AZIN2: variants seen among roughly 807,000 people sequenced by gnomAD.
AZIN2 encodes the protein ODC antizyme inhibitor-2.
In AZIN2, 28 loss-of-function variants were observed where a neutral mutation model predicts 47.8. The observed-to-expected ratio is 0.59, with a 90% confidence interval of 0.43 to 0.80. The LOEUF (loss-of-function observed/expected upper bound fraction) is 0.80, where lower values mean the gene tolerates loss of function less well. AZIN2 is among the 30% of genes least tolerant of loss of function. AZIN2 has a pLI of 0.00. For synonymous variants in AZIN2, 221 were observed against 239.4 expected, an observed-to-expected ratio of 0.92 and a Z score of 0.71; for missense variants, 535 against 582.5, an observed-to-expected ratio of 0.92 and a Z score of 0.84.
chr1:33,099,600 G>GA (rs2124569514), intron 10 of AZIN2, among the ~76,000 whole-genome samples: 1 of 152,312 alleles, frequency 6.6e-6, no homozygotes, highest in East Asian at 1.9e-4. Flanking sequence ...CCTCAGAAGA[G>GA]GAGATGATGG....
chr1:33,082,878 C>T (rs1641446563), intron 4 of AZIN2: 1 of 154,246 alleles, frequency 6.5e-6, no homozygotes, highest in South Asian at 2.0e-4. Context: ...ATATTATGCT[C>T]CTTCGGAGCT....
the AZIN2 span, among the ~76,000 whole-genome samples, chr1:33,144,244 T>C: frequency 6.6e-6 from 1 of 151,816 alleles, no homozygotes; most frequent in Non-Finnish European, 1.5e-5. Context: ...TTCAAGAGAT[T>C]CTCCTGCCTC....
chr1:33,108,396 G>A (rs1644124905), intron 10 of AZIN2, among the ~76,000 whole-genome samples: 1 of 148,742 alleles, frequency 6.7e-6, no homozygotes, highest in Non-Finnish European at 1.5e-5. Context: ...AGGCTGGAGT[G>A]CAGTGGTGTG....
At chr1:33,160,481 T>G in the AZIN2 span, among the ~76,000 whole-genome samples, 1 of 152,152 alleles carries the variant, frequency 6.6e-6, no homozygotes, top group South Asian at 2.1e-4. Context: ...CTCGGATCAT[T>G]GCAACCTCCA....
rs115859460 is a variant in AZIN2, at chr1:33,102,433, T to C, written c.1029+4254T>C. On this transcript the variant is annotated intron_variant, in intron 10 of 11. Transcript: ENST00000294517. ...TCCAACCTCTCCAGTCAGGTACCTG[T>C]TCCATGATGCCATGGAAGATGCTCT... Among the ~76,000 whole-genome samples the C allele has an allele frequency of 9.0e-3, 1,373 of 152,106 alleles. 22 individuals carry two copies. The highest frequency in any genetic ancestry group is 0.031 in the African/African-American group (1,295 of 41,520).
chr1:33,084,479 A>C (rs1043152585), intron 5 of AZIN2, among the ~76,000 whole-genome samples: 1 of 138,952 alleles, frequency 7.2e-6, no homozygotes, highest in Non-Finnish European at 1.5e-5. Flanking sequence ...TTATAATCAT[A>C]ATAATGTGTG....
At chr1:33,147,437 C>T in the AZIN2 span, 11 of 1,614,064 alleles carry the variant, frequency 6.8e-6, no homozygotes, top group Non-Finnish European at 9.3e-6. The surrounding 1 kb of genome is among the most constrained non-coding windows in gnomAD (Gnocchi z 8.1). Flanking sequence ...TCGTGCATCA[C>T]GATGCAGTAG....
At chr1:33,093,509 T>C in intron 7 of AZIN2, 93 bp downstream of exon 7, 1 of 1,469,134 alleles carries the variant, frequency 6.8e-7, no homozygotes, top group South Asian at 1.3e-5. Flanking sequence ...CCCCAGGGCC[T>C]CTGAGTAGGG....
chr1:33,098,209 A>T (rs1251952606), intron 10 of AZIN2, 30 bp downstream of exon 10: 2 of 1,474,516 alleles, frequency 1.4e-6, no homozygotes, highest in African/African-American at 2.8e-5. Context: ...GCCTGTTTTC[A>T]GTTGTGTGTG....
At chr1:33,083,535 C>G (rs1339354783) in intron 4 of AZIN2, 2 of 304,454 alleles carry the variant, frequency 6.6e-6, no homozygotes, top group African/African-American at 4.3e-5. Context: ...ATATGCAGTT[C>G]TGATACCTTG....
At chr1:33,103,917 C>CCA (rs1418842808) in intron 10 of AZIN2, among the ~76,000 whole-genome samples, 1 of 150,118 alleles carries the variant, frequency 6.7e-6, no homozygotes. Context: ...GAGTCTCACT[C>CCA]TGTCACCCAG....
the AZIN2 span, among the ~76,000 whole-genome samples, chr1:33,129,718 A>G: frequency 6.6e-6 from 1 of 152,174 alleles, no homozygotes; most frequent in South Asian, 2.1e-4. This position sits in a 1 kb window ranked among gnomAD's most constrained non-coding sequence, Gnocchi z 4.1. Context: ...TGGTTTGCAA[A>G]CTAATATCAC....
Position 33,082,128 on chromosome 1 carries a change from C to T in AZIN2, c.-72-50C>T, listed in dbSNP as rs1641330915. On this transcript the variant is annotated intron_variant, in intron 3 of 11. Coordinates refer to ENST00000294517, the MANE Select transcript of AZIN2 (RefSeq NM_052998.4). ...CCCTGGCCTCGGGAGGCGAGTGGGG[C>T]AGCAGAGCCGGCCCCCCAGCGGTTC... The T allele has an allele frequency of 3.7e-6, 3 of 803,126 alleles. No individual in the cohort carries two copies. The South Asian group carries it at 4.5e-5, about 12-fold the overall frequency. The allele number at this position is 803,126 out of a possible 1,614,324, so 49.7% of individuals were successfully genotyped here. A position where few individuals can be genotyped will look rare whatever the true frequency, so the allele number is the denominator to read the frequency against.
chr1:33,138,535 C>G, the AZIN2 span, among the ~76,000 whole-genome samples: 1 of 150,900 alleles, frequency 6.6e-6, no homozygotes, highest in Non-Finnish European at 1.5e-5. Context: ...AATAATAGTC[C>G]TAGCTAGTTG....
intron 4 of AZIN2, 117 bp downstream of exon 4, chr1:33,082,471 G>T: frequency 1.4e-6 from 1 of 703,442 alleles, no homozygotes; most frequent in East Asian, 3.0e-5. Context: ...CGCAATCCTT[G>T]CTATTTGCAA....
At chr1:33,145,838 T>C in the AZIN2 span, 1 of 470,878 alleles carries the variant, frequency 2.1e-6, no homozygotes, top group Non-Finnish European at 4.4e-6. Flanking sequence ...TGGGGCTTGC[T>C]CCACCCACCC....
the AZIN2 span, among the ~76,000 whole-genome samples, chr1:33,139,004 C>A: frequency 6.6e-6 from 1 of 152,162 alleles, no homozygotes; most frequent in Non-Finnish European, 1.5e-5. Context: ...AGCAAAAATG[C>A]CTGCAAGACT....
chr1:33,125,604 C>T (rs576195132), downstream of AZIN2, among the ~76,000 whole-genome samples: 64 of 152,322 alleles, frequency 4.2e-4, no homozygotes, highest in African/African-American at 1.4e-3. Context: ...TAGCCCCCAC[C>T]AACTTATGTG....
chr1:33,120,028 C>T lies in AZIN2; in HGVS notation c.1245-16C>T, dbSNP rs1557732894. 1.2e-6 allele frequency: 2 copies of T among 1,613,402 alleles called. No individual in the cohort carries two copies. The highest frequency in any genetic ancestry group is 1.7e-5 in the Admixed American group (1 of 59,992). On this transcript the variant is annotated splice_polypyrimidine_tract_variant and intron_variant, in intron 11 of 11. Transcript: ENST00000294517. The stretch of plus-strand genomic sequence containing the variant: ...TCCCATGCTGGCTACTTGCAGCACC[C>T]CTCTCTCACCCCTAGGGAAGCGCTG...
Sources: allele counts gnomAD v4.1 joint callset (sites outside exome capture counted in the v4.1 genomes callset), GRCh38; gene constraint gnomAD v4.1.1; non-coding constraint Gnocchi (gnomAD v3.1); transcripts MANE v1.5; gene names NCBI Gene and HGNC (gene_info 2026-07-23, HGNC 2026-07-21).